NINL: variants seen among roughly 807,000 people sequenced by gnomAD.
NINL encodes the protein ninein like, also known as ninein-like protein.
A neutral mutation model predicts 160.3 loss-of-function variants in NINL; 153 were observed. The observed-to-expected ratio is 0.95, with a 90% confidence interval of 0.84 to 1.09. The LOEUF is 1.09. Ranked by LOEUF, NINL falls within the 50% of genes least tolerant of loss-of-function variation. The pLI is 0.00. For missense variants in NINL, 1,829 were observed against 1,764.0 expected (o/e 1.04, Z -0.66); for synonymous variants, 800 against 734.8 (o/e 1.09, Z -1.43).
intron 1 of NINL, 72 bp from the exon 2 acceptor site, chr20:25,526,670 G>C: frequency 6.8e-7 from 1 of 1,475,438 alleles, no homozygotes; most frequent in Non-Finnish European, 9.3e-7. Context: ...CACACTGCCG[G>C]TGAGCACCGA....
At chr20:25,559,371 G>C (rs1202139231) in intron 1 of NINL, among the ~76,000 whole-genome samples, 1 of 152,036 alleles carries the variant, frequency 6.6e-6, no homozygotes, top group East Asian at 1.9e-4. Flanking sequence ...CTCCCAAATA[G>C]TTGGGACTAC....
intron 15 of NINL, among the ~76,000 whole-genome samples, chr20:25,479,491 C>T (rs966250553): frequency 1.3e-5 from 2 of 152,160 alleles, no homozygotes; most frequent in East Asian, 1.9e-4. Context: ...CTGCAAGGGA[C>T]GCAGAGGGTG....
intron 16 of NINL, chr20:25,478,713 C>A: frequency 1.9e-6 from 1 of 540,152 alleles, no homozygotes; most frequent in Non-Finnish European, 3.2e-6. Flanking sequence ...CAGTGAACAG[C>A]TTCATGGCCC....
intron 2 of NINL, among the ~76,000 whole-genome samples, chr20:25,518,668 A>G (rs1445301546): frequency 6.6e-6 from 1 of 152,212 alleles, no homozygotes; most frequent in East Asian, 1.9e-4. Context: ...ATTACATTTA[A>G]TGTGATTACT....
chr20:25,478,663 G>A (rs1168141527), intron 16 of NINL, among the ~76,000 whole-genome samples: 4 of 152,166 alleles, frequency 2.6e-5, no homozygotes, highest in Non-Finnish European at 4.4e-5. Flanking sequence ...TGCCGGGCAC[G>A]GCTGAGGCAG....
At chr20:25,477,240 AC>A in intron 16 of NINL, 151 bp from the exon 17 acceptor site, 1 of 752,322 alleles carries the variant, frequency 1.3e-6, no homozygotes, top group Non-Finnish European at 2.1e-6. Flanking sequence ...CCTGGCTTCA[AC>A]CTATACCCTG....
chr20:25,514,234 C>T (rs2064124095), intron 3 of NINL, among the ~76,000 whole-genome samples: 1 of 152,204 alleles, frequency 6.6e-6, no homozygotes, highest in South Asian at 2.1e-4. Context: ...ACTTGCTACG[C>T]TTTAGCAAAG....
chr20:25,524,040 T>C (rs750436090), intron 2 of NINL, among the ~76,000 whole-genome samples: 8 of 152,204 alleles, frequency 5.3e-5, no homozygotes, highest in Non-Finnish European at 1.2e-4. Flanking sequence ...GGGTTTCTTG[T>C]AGAAAAACTG....
chr20:25,584,511 T>C (rs967987961), intron 1 of NINL, among the ~76,000 whole-genome samples: 2 of 152,172 alleles, frequency 1.3e-5, no homozygotes, highest in Non-Finnish European at 2.9e-5. Context: ...AAAACTCTGC[T>C]TTTAAAAGTA....
intron 23 of NINL, among the ~76,000 whole-genome samples, chr20:25,454,533 G>C (rs11699203): frequency 0.45 from 69,045 of 152,066 alleles, 16,280 homozygotes; most frequent in East Asian, 0.92. Context: ...GCCCCAGGGA[G>C]GGACTGGGAA....
At chr20:25,460,628 T>C (rs1438140390) in intron 21 of NINL, among the ~76,000 whole-genome samples, 1 of 152,140 alleles carries the variant, frequency 6.6e-6, no homozygotes, top group Non-Finnish European at 1.5e-5. Flanking sequence ...TCTGGAAAAC[T>C]GACAGCCTGT....
chr20:25,454,721 G>C (rs2090623328), intron 23 of NINL, among the ~76,000 whole-genome samples: 1 of 152,080 alleles, frequency 6.6e-6, no homozygotes, highest in Non-Finnish European at 1.5e-5. Context: ...ACACCCGTGG[G>C]GTCCACCCAC....
At chr20:25,556,731 C>A (rs1432209256) in intron 1 of NINL, among the ~76,000 whole-genome samples, 1 of 152,116 alleles carries the variant, frequency 6.6e-6, no homozygotes, top group East Asian at 1.9e-4. Context: ...CACTTGGGCC[C>A]AGGAGATCGA....
Position 25,561,766 on chromosome 20 carries a change from C to T in NINL, c.-12+23689G>A, listed in dbSNP as rs554500684. 7.9e-5 allele frequency among the ~76,000 whole-genome samples: 12 copies of T among 151,192 alleles called. 1 individual carries two copies. In the East Asian group the frequency reaches 1.4e-3, roughly 18 times the overall value. ...TAGGAGCGTCTCTGCCCAGCCGCCC[C>T]GTCTGAGAAGTGAGGAGACCCTCCG... On this transcript the variant is annotated intron_variant, in intron 1 of 23. Transcript: ENST00000278886.
intron 13 of NINL, among the ~76,000 whole-genome samples, chr20:25,487,131 C>T (rs139471993): frequency 4.6e-5 from 7 of 152,224 alleles, no homozygotes; most frequent in Non-Finnish European, 1.0e-4. Flanking sequence ...GATTATCCAC[C>T]GGGTAAAATT....
At chr20:25,567,018 T>C (rs566359987) in intron 1 of NINL, among the ~76,000 whole-genome samples, 73 of 151,304 alleles carry the variant, frequency 4.8e-4, no homozygotes, top group African/African-American at 1.7e-3. Flanking sequence ...TGGTGGTGCA[T>C]ACCTATAGTC....
At chr20:25,569,040 T>C (rs1035875382) in intron 1 of NINL, among the ~76,000 whole-genome samples, 5 of 151,786 alleles carry the variant, frequency 3.3e-5, no homozygotes, top group Admixed American at 2.6e-4. Flanking sequence ...GAGACCAGCC[T>C]GGCCAACATG....
At chr20:25,523,714 C>G (rs2064304287) in intron 2 of NINL, among the ~76,000 whole-genome samples, 1 of 152,176 alleles carries the variant, frequency 6.6e-6, no homozygotes, top group Non-Finnish European at 1.5e-5. Flanking sequence ...GCGATCTTGG[C>G]TCACCGCAAC....
chr20:25,472,357 ATATATATAT>A (rs1329550020), intron 17 of NINL, among the ~76,000 whole-genome samples: 14 of 73,686 alleles, frequency 1.9e-4, no homozygotes, highest in Admixed American at 5.0e-4. Context: ...ATATATATAT[ATATATATAT>A]ACTTTTTTTT....
Sources: allele counts gnomAD v4.1 joint callset (sites outside exome capture counted in the v4.1 genomes callset), GRCh38; gene constraint gnomAD v4.1.1; transcripts MANE v1.5; gene names NCBI Gene and HGNC (gene_info 2026-07-23, HGNC 2026-07-21).